TTC6: variants seen among roughly 807,000 people sequenced by gnomAD.
TTC6 encodes the protein tetratricopeptide repeat protein 6.
Under a neutral mutation model 210.4 loss-of-function variants are expected in TTC6, and 172 were observed. The observed-to-expected ratio is 0.82, with a 90% CI of 0.72 to 0.93. The LOEUF (loss-of-function observed/expected upper bound fraction) is 0.93. TTC6 is among the 40% of genes least tolerant of loss of function. The probability of loss-of-function intolerance (pLI) is 0.00; values close to 1 mark genes in which losing one functional copy is unlikely to be tolerated. For missense variants in TTC6, 2,414 were observed against 2,318.1 expected (o/e 1.04, Z -0.85); for synonymous variants, 804 against 819.6 (o/e 0.98, Z 0.32).
At chr14:37,826,149 T>C (rs2096170709) in intron 27 of TTC6, 46 bp from the exon 30 acceptor site, 2 of 1,538,054 alleles carry the variant, frequency 1.3e-6, no homozygotes, top group Non-Finnish European at 1.8e-6. Context: ...ACGTTTGTCA[T>C]GTTATGGAGT....
intron 7 of TTC6, among the ~76,000 whole-genome samples, chr14:37,735,268 C>T (rs1252004562): frequency 1.3e-5 from 2 of 151,864 alleles, no homozygotes; most frequent in Non-Finnish European, 2.9e-5. Flanking sequence ...TGTTTGAGAC[C>T]TAACAATTTA....
intron 8 of TTC6, among the ~76,000 whole-genome samples, chr14:37,737,458 A>T (rs532153395): frequency 6.6e-6 from 1 of 152,230 alleles, no homozygotes; most frequent in African/African-American, 2.4e-5. Context: ...TTATTATTAT[A>T]CACTTTTCTA....
chr14:37,792,775 G>GT (rs1032781036), intron 17 of TTC6, among the ~76,000 whole-genome samples: 18 of 121,740 alleles, frequency 1.5e-4, no homozygotes, highest in African/African-American at 6.1e-4. Flanking sequence ...ATGGTCCAAT[G>GT]TTGTGTGTGT....
intron 1 of TTC6, among the ~76,000 whole-genome samples, chr14:37,647,389 A>G (rs2095703521): frequency 6.6e-6 from 1 of 152,226 alleles, no homozygotes. Flanking sequence ...TCATGGTGAC[A>G]GTGGGAAGGA....
chr14:37,738,680 C>A, intron 9 of TTC6, 96 bp from the exon 12 acceptor site: 1 of 1,031,750 alleles, frequency 9.7e-7, no homozygotes, highest in Non-Finnish European at 1.3e-6. Context: ...GTGACCAAAC[C>A]ACATTAATAG....
intron 1 of TTC6, among the ~76,000 whole-genome samples, chr14:37,652,230 T>TA (rs200531227): frequency 0.012 from 1,783 of 152,228 alleles, 32 homozygotes; most frequent in African/African-American, 0.041. Context: ...TTTTTATAGG[T>TA]AAAAAATGAT....
At chr14:37,755,562 G>A (rs924648386) in intron 14 of TTC6, among the ~76,000 whole-genome samples, 1 of 152,186 alleles carries the variant, frequency 6.6e-6, no homozygotes, top group African/African-American at 2.4e-5. Context: ...TGTATAAGGT[G>A]TAAGGAAGGG....
intron 1 of TTC6, among the ~76,000 whole-genome samples, chr14:37,604,909 A>T (rs958515051): frequency 6.6e-6 from 1 of 152,204 alleles, no homozygotes; most frequent in East Asian, 1.9e-4. Context: ...AGATGTCATT[A>T]TATCAAGGAA....
intron 15 of TTC6, among the ~76,000 whole-genome samples, chr14:37,789,020 T>C (rs1487419865): frequency 6.6e-6 from 1 of 152,150 alleles, no homozygotes; most frequent in Non-Finnish European, 1.5e-5. Context: ...ACAAAATTCC[T>C]ATTATTTAAT....
chr14:37,822,430 T>A (rs1446215797), intron 26 of TTC6, among the ~76,000 whole-genome samples: 1 of 152,172 alleles, frequency 6.6e-6, no homozygotes, highest in African/African-American at 2.4e-5. Flanking sequence ...CTGGGCTCCA[T>A]GTATTTTATA....
chr14:37,806,619 T>C, intron 22 of TTC6, 109 bp downstream of exon 24: 1 of 1,043,214 alleles, frequency 9.6e-7, no homozygotes, highest in East Asian at 2.7e-5. Flanking sequence ...TTCTTATACC[T>C]ACTTTTCACT....
chr14:37,739,190 A>G, intron 10 of TTC6, 35 bp downstream of exon 12: 3 of 1,456,498 alleles, frequency 2.1e-6, no homozygotes, highest in Non-Finnish European at 2.7e-6. Flanking sequence ...AGTTTAAGAA[A>G]TATATTGTGG....
intron 10 of TTC6, among the ~76,000 whole-genome samples, chr14:37,745,027 CAT>C (rs1379173006): frequency 6.6e-6 from 1 of 151,966 alleles, no homozygotes; most frequent in Non-Finnish European, 1.5e-5. Flanking sequence ...CACACACACA[CAT>C]ATACACACGT....
intron 7 of TTC6, among the ~76,000 whole-genome samples, chr14:37,728,887 C>T (rs1011875449): frequency 2.6e-5 from 4 of 152,156 alleles, no homozygotes; most frequent in Non-Finnish European, 5.9e-5. Flanking sequence ...GAGCATTCCC[C>T]CTCCTTAATG....
At chr14:37,621,144 G>A (rs2095650375), upstream of TTC6, among the ~76,000 whole-genome samples, 1 of 152,150 alleles carries the variant, frequency 6.6e-6, no homozygotes, top group Non-Finnish European at 1.5e-5. Context: ...GTAAGGAAGG[G>A]GACACCTGGG....
intron 10 of TTC6, among the ~76,000 whole-genome samples, chr14:37,739,591 GAAA>G (rs2095912424): frequency 2.3e-5 from 3 of 132,440 alleles, no homozygotes; most frequent in African/African-American, 8.8e-5. Context: ...AAAAAAAAAA[GAAA>G]GACAAACCCT....
At chr14:37,779,417 T>G (rs2096047940) in intron 14 of TTC6, among the ~76,000 whole-genome samples, 1 of 152,208 alleles carries the variant, frequency 6.6e-6, no homozygotes. Context: ...CCTTGGCCAT[T>G]ATATACTTTT....
chr14:37,701,769 A>G (rs2095825868), intron 5 of TTC6, among the ~76,000 whole-genome samples: 1 of 152,148 alleles, frequency 6.6e-6, no homozygotes, highest in Non-Finnish European at 1.5e-5. Context: ...CCAGAGTGTT[A>G]CATACATGAT....
At chr14:37,790,730 T>C (rs1451204276) in exon 16 of TTC6, 4 of 1,533,504 alleles carry the variant, frequency 2.6e-6, no homozygotes, top group Non-Finnish European at 8.7e-7. Flanking sequence ...TCATAAATGA[T>C]GGCTATGAGA....
Sources: gnomAD v4.1 joint callset for allele counts (sites outside exome capture counted in the v4.1 genomes callset) on GRCh38, gnomAD v4.1.1 for gene constraint, MANE v1.5 for transcripts, NCBI Gene and HGNC (gene_info 2026-07-23, HGNC 2026-07-21) for gene names.